The following TMEM181 variants were observed in gnomAD, a reference collection of about 807,000 sequenced individuals.
The protein encoded by TMEM181 is G protein-coupled receptor 178.
A neutral mutation model predicts 71.9 loss-of-function variants in TMEM181; 39 were observed. The ratio of observed to expected loss-of-function variants is 0.54; its 90% CI spans 0.42 to 0.71. TMEM181 has a LOEUF of 0.71. Among genes scored for constraint, TMEM181 ranks in the 30% least tolerant of loss-of-function variants. TMEM181 has a pLI of 0.00. For synonymous variants in TMEM181, 245 were observed against 228.8 expected (o/e 1.07, Z -0.64); for missense variants, 595 against 583.0 (o/e 1.02, Z -0.21).
At chr6:158,591,028 A>G (rs1005028657) in intron 6 of TMEM181, among the ~76,000 whole-genome samples, 4 of 152,230 alleles carry the variant, frequency 2.6e-5, no homozygotes, top group African/African-American at 9.6e-5. Flanking sequence ...TCGCGGGATC[A>G]GTACTTCACT....
upstream of TMEM181, among the ~76,000 whole-genome samples, chr6:158,559,696 A>G (rs903687476): frequency 6.6e-6 from 1 of 152,224 alleles, no homozygotes; most frequent in African/African-American, 2.4e-5. Context: ...TTGGGGTCAC[A>G]AGACCCTTAG....
chr6:158,611,303 C>A, intron 10 of TMEM181: 2 of 502,452 alleles, frequency 4.0e-6, no homozygotes, highest in East Asian at 1.1e-4. Context: ...GGTCCTTCTC[C>A]ACAACTGGGA....
upstream of TMEM181, among the ~76,000 whole-genome samples, chr6:158,557,818 G>A (rs924779521): frequency 3.9e-5 from 6 of 152,186 alleles, no homozygotes; most frequent in Non-Finnish European, 7.3e-5. Context: ...CCCATGCCCG[G>A]TCAATTAAGT....
intron 11 of TMEM181, among the ~76,000 whole-genome samples, 170 bp from the exon 12 acceptor site, chr6:158,624,934 G>C (rs1458569095): frequency 4.6e-5 from 7 of 152,332 alleles, no homozygotes; most frequent in Admixed American, 1.3e-4. Context: ...TGCTCGCAGC[G>C]GGACTGAGCA....
chr6:158,538,454 C>CTTTTTT (rs111437459), intron 1 of TMEM181, among the ~76,000 whole-genome samples: 20,548 of 143,418 alleles, frequency 0.14, 1,957 homozygotes, highest in Non-Finnish European at 0.21. Flanking sequence ...CATGCCTGGC[C>CTTTTTT]TTTTTTTTTT....
chr6:158,557,136 A>G (rs1781923879), upstream of TMEM181, among the ~76,000 whole-genome samples: 1 of 152,292 alleles, frequency 6.6e-6, no homozygotes, highest in Admixed American at 6.5e-5. Flanking sequence ...GCACTTTGGG[A>G]GGCTGAGGCA....
chr6:158,590,266 C>G (rs1784032430), intron 6 of TMEM181, among the ~76,000 whole-genome samples: 1 of 151,966 alleles, frequency 6.6e-6, no homozygotes, highest in South Asian at 2.1e-4. Flanking sequence ...GGTTCTCACG[C>G]TGCCTCCATC....
At chr6:158,570,542 C>G (rs539119572) in intron 1 of TMEM181, among the ~76,000 whole-genome samples, 19 of 151,572 alleles carry the variant, frequency 1.3e-4, no homozygotes, top group Middle Eastern at 3.4e-3. Flanking sequence ...CGCCCGGCCC[C>G]GTACACTCTT....
rs1177192462 is a variant in TMEM181 at position 158,625,697 on chromosome 6, T to C, written c.1058-6T>C. ...AGAGTTGTTAATGAGTTTCTTTCTT[T>C]TTCAGATCTCAGGTTGAAATTTTTG... is the stretch of plus-strand genomic sequence containing the variant. On this transcript the variant is annotated splice_region_variant and splice_polypyrimidine_tract_variant and intron_variant, in intron 12 of 16. Coordinates refer to ENST00000684151, the MANE Select transcript of TMEM181 (RefSeq NM_001376852.1). 1.2e-6 allele frequency: 2 copies of C among 1,606,972 alleles called. No homozygotes were observed. The highest frequency in any genetic ancestry group is 1.3e-5 in the African/African-American group (1 of 74,302).
Position 158,585,416 on chromosome 6 carries a change from A to C in TMEM181, c.372A>C (p.Thr124=), listed in dbSNP as rs202188884. Residue 124 remains threonine, a synonymous_variant, in exon 5 of 17, where the codon ACA becomes ACC. Coordinates refer to ENST00000684151, the MANE Select transcript of TMEM181 (RefSeq NM_001376852.1). ...TTCACAACCGGACAAGGACCCTCAC[A>C]TGTGCAGGGGTGAGTGTGTGGGGTG... ...NKVHNRTRTL[T]CAGKCAEIIV... 1 of 1,606,998 alleles carries C rather than the reference A, an allele frequency of 6.2e-7. No individual in the cohort carries two copies.
At chr6:158,552,060 T>C (rs1781738519) in intron 1 of TMEM181, among the ~76,000 whole-genome samples, 1 of 152,228 alleles carries the variant, frequency 6.6e-6, no homozygotes, top group African/African-American at 2.4e-5. Flanking sequence ...ATAATAGTTA[T>C]TTAAGCAGAG....
At chr6:158,591,911 G>A (rs976243280) in intron 6 of TMEM181, among the ~76,000 whole-genome samples, 4 of 152,150 alleles carry the variant, frequency 2.6e-5, no homozygotes, top group Non-Finnish European at 5.9e-5. Context: ...TATGTTAGGT[G>A]AACTAGGTAC....
At chr6:158,580,913 C>G in intron 2 of TMEM181, 27 bp from the exon 3 acceptor site, 3 of 1,578,652 alleles carry the variant, frequency 1.9e-6, no homozygotes, top group Non-Finnish European at 2.6e-6. Context: ...CTATAATCTG[C>G]TTTTGTCCTT....
Position 158,593,881 on chromosome 6 carries a change from T to C in TMEM181, c.492+4099T>C, listed in dbSNP as rs1488132634. On this transcript the variant is annotated intron_variant, in intron 6 of 16. Coordinates refer to ENST00000684151, the MANE Select transcript of TMEM181 (RefSeq NM_001376852.1). The stretch of plus-strand genomic sequence containing the variant: ...GCATCTCGCACCAAAGTGGTACATT[T>C]GTTACAGTTAATGAACCCACATTGA... 2.6e-5 allele frequency among the ~76,000 whole-genome samples: 4 copies of C among 152,090 alleles called. No homozygotes were observed. The South Asian group carries it at 6.2e-4, about 24-fold the overall frequency.
chr6:158,575,410 C>T (rs1460790804), intron 2 of TMEM181, among the ~76,000 whole-genome samples: 1 of 151,808 alleles, frequency 6.6e-6, no homozygotes, highest in Non-Finnish European at 1.5e-5. Flanking sequence ...CTCACTGCAA[C>T]CTCTTCCTCC....
At chr6:158,605,131 A>AGT (rs71030178) in intron 6 of TMEM181, 136 bp from the exon 7 acceptor site, 4,992 of 159,594 alleles carry the variant, frequency 0.031, 54 homozygotes, top group Admixed American at 0.039. Context: ...AAAAAAAAAA[A>AGT]GTGTGTGTGT....
At chr6:158,604,603 C>A (rs978065261) in intron 6 of TMEM181, among the ~76,000 whole-genome samples, 9 of 152,202 alleles carry the variant, frequency 5.9e-5, no homozygotes, top group Admixed American at 3.3e-4. Context: ...ACTGTCCAGT[C>A]AGCATGAGAA....
At chr6:158,608,067 A>G (rs1342981376) in intron 8 of TMEM181, among the ~76,000 whole-genome samples, 1 of 152,204 alleles carries the variant, frequency 6.6e-6, no homozygotes. Context: ...TGTTTTGGAA[A>G]ACAAAATAGC....
At chr6:158,560,882 C>T (rs1380842008) in intron 1 of TMEM181, among the ~76,000 whole-genome samples, 1 of 151,864 alleles carries the variant, frequency 6.6e-6, no homozygotes, top group African/African-American at 2.4e-5. Context: ...TTTGGGGTCT[C>T]GTGGACGCCA....
Sources: allele counts gnomAD v4.1 joint callset (sites outside exome capture counted in the v4.1 genomes callset), GRCh38; gene constraint gnomAD v4.1.1; transcripts MANE v1.5; gene names NCBI Gene and HGNC (gene_info 2026-07-23, HGNC 2026-07-21).